Variants in ALX1 observed in about 807,000 individuals in gnomAD.
ALX1 encodes ALX homeobox protein 1.
ALX1 carries 19 observed loss-of-function variants against 31.7 expected under a neutral mutation model. The observed-to-expected ratio is 0.60, with a 90% CI of 0.42 to 0.88. The LOEUF is 0.88. Among genes scored for constraint, ALX1 ranks in the 40% least tolerant of loss-of-function variants. ALX1 has a pLI of 0.00. For synonymous variants in ALX1, 153 were observed against 148.8 expected (o/e 1.03, Z -0.20); for missense variants, 415 against 407.8 (o/e 1.02, Z -0.15).
At chr12:85,289,891 C>T (rs1168131105) in intron 3 of ALX1, among the ~76,000 whole-genome samples, 1 of 150,972 alleles carries the variant, frequency 6.6e-6, no homozygotes, top group African/African-American at 2.4e-5. Context: ...AAAATAGGAA[C>T]TTGTAATGGG....
intron 3 of ALX1, among the ~76,000 whole-genome samples, chr12:85,294,051 A>G (rs1291248673): frequency 6.6e-6 from 1 of 151,288 alleles, no homozygotes; most frequent in African/African-American, 2.4e-5. Context: ...GATGATGAGT[A>G]AAATCAATAG....
intron 3 of ALX1, among the ~76,000 whole-genome samples, chr12:85,297,512 A>G (rs928101299): frequency 2.0e-5 from 3 of 151,674 alleles, no homozygotes; most frequent in Non-Finnish European, 3.0e-5. Flanking sequence ...AATGGAAGCC[A>G]TAGGTAGAGG....
chr12:85,287,994 G>A (rs1896771094), intron 3 of ALX1, among the ~76,000 whole-genome samples: 2 of 151,356 alleles, frequency 1.3e-5, no homozygotes, highest in Admixed American at 1.3e-4. Flanking sequence ...GTTCTTTAAT[G>A]TTGTTCTTTC....
At chr12:85,283,993 A>C in intron 2 of ALX1, 117 bp downstream of exon 2, 1 of 1,168,144 alleles carries the variant, frequency 8.6e-7, no homozygotes, top group Non-Finnish European at 1.3e-6. Context: ...GAAGATGAGA[A>C]ACGGAGTAAT....
chr12:85,301,030 T>C (rs1896957516), intron 3 of ALX1, 125 bp from the exon 4 acceptor site: 2 of 983,018 alleles, frequency 2.0e-6, no homozygotes, highest in Non-Finnish European at 3.1e-6. Context: ...TGTATGTAAT[T>C]ACAGACCACC....
At chr12:85,294,808 C>A (rs533613624) in intron 3 of ALX1, among the ~76,000 whole-genome samples, 5 of 150,170 alleles carry the variant, frequency 3.3e-5, no homozygotes, top group East Asian at 3.9e-4. Flanking sequence ...GAAAAGTCAC[C>A]TTTCTTGTTT....
At chr12:85,287,067 TG>T in intron 3 of ALX1, 86 bp downstream of exon 3, 12 of 1,461,412 alleles carry the variant, frequency 8.2e-6, no homozygotes, top group Non-Finnish European at 1.1e-5. Flanking sequence ...CTTTATTATA[TG>T]TAAGATAATA....
intron 2 of ALX1, among the ~76,000 whole-genome samples, chr12:85,286,114 A>G (rs1171634042): frequency 6.6e-6 from 1 of 151,914 alleles, no homozygotes; most frequent in African/African-American, 2.4e-5. Context: ...AATTAGAGAA[A>G]TTACGTAAAG....
At chr12:85,289,828 C>G (rs574560476) in intron 3 of ALX1, among the ~76,000 whole-genome samples, 1 of 151,096 alleles carries the variant, frequency 6.6e-6, no homozygotes, top group African/African-American at 2.4e-5. Flanking sequence ...GGGCCAAGAT[C>G]ATGTCTCTCA....
intron 3 of ALX1, among the ~76,000 whole-genome samples, chr12:85,290,956 C>T (rs970867214): frequency 2.0e-5 from 3 of 151,078 alleles, no homozygotes; most frequent in African/African-American, 7.3e-5. Context: ...ACCTTTGTAT[C>T]ACCAAGGATG....
At chr12:85,299,483 T>C (rs1173975181) in intron 3 of ALX1, among the ~76,000 whole-genome samples, 2 of 151,526 alleles carry the variant, frequency 1.3e-5, no homozygotes, top group African/African-American at 2.4e-5. Context: ...TGTTTAGATA[T>C]GGATATGTAG....
At chr12:85,290,289 A>G (rs1896801739) in intron 3 of ALX1, among the ~76,000 whole-genome samples, 1 of 151,160 alleles carries the variant, frequency 6.6e-6, no homozygotes, top group African/African-American at 2.4e-5. Flanking sequence ...AAAGCCAGAC[A>G]CTGTGCTTCC....
chr12:85,286,226 T>A (rs1274711561), intron 2 of ALX1, among the ~76,000 whole-genome samples: 1 of 151,956 alleles, frequency 6.6e-6, no homozygotes, highest in Non-Finnish European at 1.5e-5. Flanking sequence ...GATTCCTTTT[T>A]ACCTATAATT....
intron 3 of ALX1, among the ~76,000 whole-genome samples, chr12:85,288,103 T>C (rs1896772078): frequency 1.3e-5 from 2 of 151,534 alleles, no homozygotes; most frequent in East Asian, 3.9e-4. Context: ...TATTATATGT[T>C]AAATAAAAGA....
rs769190177 is a variant in ALX1, at chr12:85,283,717, T to C, written c.372T>C (p.Asp124=). ...TGGATGAACTTGGGGATAAATGTGATAGCAATGTATCCAGCAGTAAGAAAC... is the reference window on the plus strand; with the variant it reads ...TGGATGAACTTGGGGATAAATGTGACAGCAATGTATCCAGCAGTAAGAAAC... ...GELDELGDKC[D]SNVSSSKKRR... is the part of the protein sequence containing the mutation. Residue 124 remains aspartate (D), a synonymous_variant, in exon 2 of 4, where the codon GAT becomes GAC. Transcript: ENST00000316824. 6.2e-7 allele frequency: 1 copy of C among 1,614,136 alleles called. No homozygotes were observed. Among genetic ancestry groups the C allele is most frequent in the East Asian group, 2.2e-5 (1 of 44,876 alleles).
At chr12:85,280,900 T>C (rs1565939574) in intron 1 of ALX1, among the ~76,000 whole-genome samples, 2 of 151,688 alleles carry the variant, frequency 1.3e-5, no homozygotes, top group Admixed American at 1.3e-4. Flanking sequence ...CACAGCTCGT[T>C]AGAGTACGTC....
intron 3 of ALX1, among the ~76,000 whole-genome samples, chr12:85,293,725 G>A (rs1007636021): frequency 6.6e-6 from 1 of 151,000 alleles, no homozygotes; most frequent in African/African-American, 2.4e-5. Context: ...GAGTGCCAAC[G>A]TTAGCTTATA....
Position 85,301,381 on chromosome 12 carries a change from A to G in ALX1, c.887A>G (p.Glu296Gly). 1.2e-6 allele frequency: 2 copies of G among 1,614,108 alleles called. No individual in the cohort carries two copies. The highest frequency in any genetic ancestry group is 1.7e-6 in the Non-Finnish European group (2 of 1,179,976). The part of the protein sequence containing the change: ...LTGATNGHAF[E>G]TKPEFERRSS... ...GGGGCAACCAATGGACATGCATTTG[A>G]AACAAAGCCAGAGTTTGAAAGGAGG... The change falls in exon 4 of 4, where the codon GAA becomes GGA. Residue 296 changes from glutamate (E) to glycine (G), a missense_variant. Coordinates refer to ENST00000316824, the MANE Select transcript of ALX1 (RefSeq NM_006982.3).
intron 3 of ALX1, 63 bp downstream of exon 3, chr12:85,287,044 T>C: frequency 6.3e-7 from 1 of 1,582,424 alleles, no homozygotes; most frequent in South Asian, 1.1e-5. Flanking sequence ...ATTCTTAAAA[T>C]GGTTAGCATA....
Sources: gnomAD v4.1 joint callset for allele counts (sites outside exome capture counted in the v4.1 genomes callset) on GRCh38, gnomAD v4.1.1 for gene constraint, MANE v1.5 for transcripts, NCBI Gene and HGNC (gene_info 2026-07-23, HGNC 2026-07-21) for gene names.